MITF: variants seen among roughly 807,000 people sequenced by gnomAD.
MITF encodes melanocyte inducing transcription factor, also known as microphthalmia-associated transcription factor.
MITF carries 17 observed loss-of-function variants against 60.5 expected under a neutral mutation model. The observed-to-expected ratio is 0.28, with a 90% CI of 0.19 to 0.42. The LOEUF is 0.42. MITF is among the 10% of genes least tolerant of loss of function. The pLI is 1.00. For synonymous variants in MITF, 260 were observed against 248.5 expected (o/e 1.05, Z -0.43); for missense variants, 622 against 683.5 (o/e 0.91, Z 1.00).
At chr3:69,958,254 G>A (rs1187881894) in intron 8 of MITF, among the ~76,000 whole-genome samples, 1 of 152,048 alleles carries the variant, frequency 6.6e-6, no homozygotes, top group Non-Finnish European at 1.5e-5. Flanking sequence ...TTTCTCTCTG[G>A]CTGCTAAAGT....
intron 1 of MITF, among the ~76,000 whole-genome samples, chr3:69,822,071 C>T (rs1269270281): frequency 6.6e-6 from 1 of 152,202 alleles, no homozygotes; most frequent in Non-Finnish European, 1.5e-5. Flanking sequence ...TAGTCTCTCT[C>T]TCTCAGAAAT....
Position 69,743,840 on chromosome 3 carries a change from A to T in MITF, c.104+4139A>T, listed in dbSNP as rs1703624700. Among the ~76,000 whole-genome samples the T allele has an allele frequency of 1.3e-5, 2 of 152,220 alleles. 1 individual carries two copies. Among genetic ancestry groups the T allele is most frequent in the Admixed American group, 1.3e-4 (2 of 15,286 alleles). On this transcript the variant is annotated intron_variant, in intron 1 of 9. Transcript: ENST00000352241. ...GAGGAAGTCTCTACAGGTCTTTTGTACCCAAAAACATTTTAAACCGTAGGA... is the reference window on the plus strand; with the variant it reads ...GAGGAAGTCTCTACAGGTCTTTTGTTCCCAAAAACATTTTAAACCGTAGGA...
intron 1 of MITF, among the ~76,000 whole-genome samples, chr3:69,847,474 T>C (rs1053555683): frequency 2.6e-5 from 4 of 152,188 alleles, no homozygotes; most frequent in Non-Finnish European, 5.9e-5. Context: ...TATCTTTACT[T>C]ACATATGGGG....
chr3:69,835,075 A>G (rs2063520047), intron 1 of MITF, among the ~76,000 whole-genome samples: 1 of 113,616 alleles, frequency 8.8e-6, no homozygotes, highest in Admixed American at 1.4e-4. Context: ...CTGGAGTGTG[A>G]TGGTACGATC....
rs1575781723 is a variant in MITF, at chr3:69,830,721, G to C, written c.105-48413G>C. Among the ~76,000 whole-genome samples, 5 of 151,806 alleles carry C rather than the reference G, an allele frequency of 3.3e-5. No homozygotes were observed. The South Asian group carries it at 1.0e-3, about 32-fold the overall frequency. The stretch of plus-strand genomic sequence containing the variant: ...TAAATGAAAAGGGGGTTCAATAAAT[G>C]AATGAACAGATATGATATCTGTCTC... On this transcript the variant is annotated intron_variant, in intron 1 of 9. Coordinates refer to ENST00000352241, the MANE Select transcript of MITF (RefSeq NM_001354604.2).
At chr3:69,822,753 A>G (rs1212476543) in intron 1 of MITF, among the ~76,000 whole-genome samples, 1 of 152,120 alleles carries the variant, frequency 6.6e-6, no homozygotes, top group Non-Finnish European at 1.5e-5. Flanking sequence ...TACAAACACC[A>G]AATACTTGCT....
chr3:69,828,945 A>AGTGTGT (rs3044611), intron 1 of MITF, among the ~76,000 whole-genome samples: 5 of 149,964 alleles, frequency 3.3e-5, no homozygotes, highest in Admixed American at 1.3e-4. Context: ...ATATCGTGTG[A>AGTGTGT]GTGTGTGTGT....
chr3:69,772,966 A>T (rs541454747), intron 1 of MITF, among the ~76,000 whole-genome samples: 75 of 152,358 alleles, frequency 4.9e-4, no homozygotes, highest in African/African-American at 1.7e-3. Context: ...GTGAATGAGT[A>T]AAATGCATAA....
At chr3:69,915,894 G>C (rs561109396) in intron 2 of MITF, among the ~76,000 whole-genome samples, 57 of 152,224 alleles carry the variant, frequency 3.7e-4, no homozygotes. Context: ...CACCTGATTG[G>C]TGGATCCTCA....
At chr3:69,822,521 G>A (rs2063292028) in intron 1 of MITF, among the ~76,000 whole-genome samples, 2 of 152,190 alleles carry the variant, frequency 1.3e-5, no homozygotes, top group Admixed American at 1.3e-4. Context: ...ACAGACTAAA[G>A]GGCATATTTC....
chr3:69,801,751 C>A (rs756942606), intron 1 of MITF, among the ~76,000 whole-genome samples: 1 of 152,156 alleles, frequency 6.6e-6, no homozygotes, highest in Admixed American at 6.5e-5. Context: ...TGAGGGCCTA[C>A]TGGGTGACAA....
intron 3 of MITF, chr3:69,938,378 G>A: frequency 6.4e-7 from 1 of 1,566,616 alleles, no homozygotes; most frequent in Non-Finnish European, 8.7e-7. Flanking sequence ...AATGCAGAGA[G>A]AGGAGAAGGG....
At position 69,879,259 on chromosome 3, in the gene MITF, A is replaced by T. The variant is rs762537793; in HGVS notation, c.230A>T (p.Gln77Leu). Residue 77 changes from glutamine to leucine, a missense_variant, in exon 2 of 10, where the codon CAG (glutamine) becomes CTG (leucine). Gln to Leu is a moderately radical substitution (Grantham distance 113, BLOSUM62 -2). Coordinates refer to ENST00000352241, the MANE Select transcript of MITF (RefSeq NM_001354604.2). The stretch of plus-strand genomic sequence containing the variant: ...CAGGAGCAGGAGCGCAGGGAGCAGC[A>T]GCAGAAGCTGCAGGCGGCCCAGTTC... Reference protein sequence around the residue: ...QMQEQERREQQQKLQAAQFMQ... With the variant: ...QMQEQERREQLQKLQAAQFMQ... 6.2e-7 allele frequency: 1 copy of T among 1,614,240 alleles called. No individual in the cohort carries two copies. The highest frequency in any genetic ancestry group is 1.1e-5 in the South Asian group (1 of 91,092).
intron 1 of MITF, among the ~76,000 whole-genome samples, chr3:69,793,447 T>C (rs569028513): frequency 9.0e-6 from 1 of 111,338 alleles, no homozygotes; most frequent in East Asian, 4.8e-4. Flanking sequence ...TGAGTAGCTG[T>C]GCTGTGTGTT....
chr3:69,935,406 G>T (rs2065810168), intron 2 of MITF, among the ~76,000 whole-genome samples: 1 of 152,110 alleles, frequency 6.6e-6, no homozygotes, highest in Non-Finnish European at 1.5e-5. Context: ...TTTTAAACAT[G>T]AATCTCTTTT....
chr3:69,901,690 G>A (rs1411187349), intron 2 of MITF, among the ~76,000 whole-genome samples: 4 of 152,186 alleles, frequency 2.6e-5, no homozygotes, highest in Non-Finnish European at 5.9e-5. Context: ...GCAACCAGAT[G>A]ATGACATTAA....
intron 6 of MITF, among the ~76,000 whole-genome samples, chr3:69,951,072 G>A (rs1164898967): frequency 6.8e-6 from 1 of 148,044 alleles, no homozygotes; most frequent in Non-Finnish European, 1.5e-5. Flanking sequence ...AGTTAGAAGA[G>A]ACAGAGATCC....
At chr3:69,898,480 T>C (rs1266428217) in intron 2 of MITF, among the ~76,000 whole-genome samples, 1 of 152,140 alleles carries the variant, frequency 6.6e-6, no homozygotes, top group Non-Finnish European at 1.5e-5. Context: ...GACTCAGTAA[T>C]AGAGTAAGTA....
intron 2 of MITF, among the ~76,000 whole-genome samples, chr3:69,927,305 T>C (rs2065615554): frequency 1.3e-5 from 2 of 152,170 alleles, no homozygotes; most frequent in South Asian, 4.2e-4. Context: ...CATTCATACG[T>C]GGGAGTTGAA....
Sources: gnomAD v4.1 joint callset for allele counts (sites outside exome capture counted in the v4.1 genomes callset) on GRCh38, gnomAD v4.1.1 for gene constraint, MANE v1.5 for transcripts, NCBI Gene and HGNC (gene_info 2026-07-23, HGNC 2026-07-21) for gene names.